NELL1: variants seen among roughly 807,000 people sequenced by gnomAD.
NELL1 encodes protein kinase C-binding protein NELL1.
Under a neutral mutation model 107.4 loss-of-function variants are expected in NELL1, and 76 were observed. The observed-to-expected ratio is 0.71, with a 90% CI of 0.59 to 0.86. NELL1 has a LOEUF of 0.86. Ranked by LOEUF, NELL1 falls within the 40% of genes least tolerant of loss-of-function variation. The pLI is 0.00. For synonymous variants in NELL1, 353 were observed against 341.2 expected (o/e 1.03, Z -0.38); for missense variants, 1,024 against 1,005.5 (o/e 1.02, Z -0.25).
intron 13 of NELL1, among the ~76,000 whole-genome samples, chr11:21,187,250 T>A (rs1451950948): frequency 6.6e-6 from 1 of 151,748 alleles, no homozygotes; most frequent in Non-Finnish European, 1.5e-5. Context: ...AAAAGTGACA[T>A]GACTTTATGG....
chr11:20,807,192 C>A (rs1348344344), intron 3 of NELL1, among the ~76,000 whole-genome samples: 2 of 152,064 alleles, frequency 1.3e-5, no homozygotes, highest in East Asian at 3.9e-4. Context: ...TTTGTGAAGG[C>A]TTTCCAGGTA....
intron 2 of NELL1, among the ~76,000 whole-genome samples, chr11:20,763,588 G>A (rs11604445): frequency 0.2 from 30,685 of 152,138 alleles, 3,234 homozygotes; most frequent in South Asian, 0.28. Flanking sequence ...ACTGGACCAC[G>A]TTCTGTGACC....
At chr11:21,369,314 T>C (rs1159746025) in intron 14 of NELL1, among the ~76,000 whole-genome samples, 3 of 151,786 alleles carry the variant, frequency 2.0e-5, no homozygotes, top group African/African-American at 4.8e-5. Flanking sequence ...TCTACATGTG[T>C]ATTTTATATA....
intron 3 of NELL1, among the ~76,000 whole-genome samples, chr11:20,803,911 C>G (rs1237109080): frequency 6.6e-6 from 1 of 152,142 alleles, no homozygotes; most frequent in Non-Finnish European, 1.5e-5. Flanking sequence ...GCCTCCCAGC[C>G]TACATCTTTC....
intron 12 of NELL1, among the ~76,000 whole-genome samples, chr11:21,025,790 A>T (rs1395158979): frequency 6.6e-6 from 1 of 152,120 alleles, no homozygotes; most frequent in African/African-American, 2.4e-5. Context: ...GTTGAAAATG[A>T]ATGCAAAATT....
At chr11:21,051,870 C>A (rs965153385) in intron 12 of NELL1, among the ~76,000 whole-genome samples, 1 of 152,072 alleles carries the variant, frequency 6.6e-6, no homozygotes, top group Non-Finnish European at 1.5e-5. Context: ...AGAAAAATCC[C>A]TGCTTTTGTG....
chr11:21,345,059 C>A (rs1473034849), intron 14 of NELL1, among the ~76,000 whole-genome samples: 2 of 152,154 alleles, frequency 1.3e-5, no homozygotes, highest in Non-Finnish European at 2.9e-5. Context: ...ATTTCTGCTT[C>A]TGTGATTCAT....
intron 12 of NELL1, among the ~76,000 whole-genome samples, chr11:20,988,026 G>C (rs1590504958): frequency 6.6e-6 from 1 of 152,014 alleles, no homozygotes; most frequent in African/African-American, 2.4e-5. Context: ...AACCATCCCT[G>C]TGCTCAGCGT....
chr11:20,874,021 TC>T (rs2134091605), intron 4 of NELL1, among the ~76,000 whole-genome samples: 1 of 152,272 alleles, frequency 6.6e-6, no homozygotes, highest in African/African-American at 2.4e-5. Context: ...CTCCTTGGCC[TC>T]CCAAAGTGCT....
intron 12 of NELL1, among the ~76,000 whole-genome samples, chr11:20,976,224 A>G (rs59503532): frequency 0.16 from 23,020 of 147,182 alleles, 2,313 homozygotes; most frequent in Middle Eastern, 0.25. Context: ...ATGTGTGTGT[A>G]TATATATACA....
chr11:21,333,102 A>G (rs1049227461), intron 14 of NELL1, among the ~76,000 whole-genome samples: 3 of 152,042 alleles, frequency 2.0e-5, no homozygotes, highest in Admixed American at 6.6e-5. Context: ...CTTGGGTGAT[A>G]TAAGATTAAG....
At chr11:21,092,691 A>G (rs1311033411) in intron 12 of NELL1, among the ~76,000 whole-genome samples, 1 of 152,192 alleles carries the variant, frequency 6.6e-6, no homozygotes, top group African/African-American at 2.4e-5. Flanking sequence ...ATTTGTAGAA[A>G]AGGAAACAGA....
At chr11:20,773,652 C>T (rs1050148404) in intron 2 of NELL1, 2 of 152,076 alleles carry the variant, frequency 1.3e-5, no homozygotes, top group Non-Finnish European at 2.9e-5. Flanking sequence ...TACATGCCAC[C>T]AGGCCTGACT....
chr11:20,731,789 A>C (rs192650701), intron 2 of NELL1, among the ~76,000 whole-genome samples: 1 of 152,230 alleles, frequency 6.6e-6, no homozygotes. Context: ...AATGCTAAGC[A>C]TATGTCCGGG....
At chr11:21,554,999 A>G (rs1317380338) in intron 16 of NELL1, among the ~76,000 whole-genome samples, 1 of 151,978 alleles carries the variant, frequency 6.6e-6, no homozygotes, top group Non-Finnish European at 1.5e-5. Context: ...AACAAGGACC[A>G]GACGTGGAAA....
At chr11:20,913,738 G>A (rs1850184933) in intron 5 of NELL1, among the ~76,000 whole-genome samples, 2 of 151,040 alleles carry the variant, frequency 1.3e-5, no homozygotes, top group South Asian at 4.2e-4. Context: ...TTTGGGCTCT[G>A]CACCTTAGGG....
At chr11:20,734,593 A>G (rs886378271) in intron 2 of NELL1, among the ~76,000 whole-genome samples, 2 of 152,174 alleles carry the variant, frequency 1.3e-5, no homozygotes, top group Non-Finnish European at 2.9e-5. Flanking sequence ...TCAAGACTGC[A>G]TTTGTGGTAT....
intron 7 of NELL1, among the ~76,000 whole-genome samples, chr11:20,926,732 T>C (rs1332952011): frequency 1.3e-5 from 2 of 152,214 alleles, no homozygotes; most frequent in African/African-American, 4.8e-5. Flanking sequence ...TGGTTACTTT[T>C]CCTGTCCTTC....
intron 4 of NELL1, among the ~76,000 whole-genome samples, chr11:20,865,189 G>A (rs1051228392): frequency 1.3e-5 from 2 of 152,296 alleles, no homozygotes; most frequent in Admixed American, 6.5e-5. Context: ...TCAGTTTCTA[G>A]AGATGAAGAC....
Sources: gnomAD v4.1 joint callset for allele counts (sites outside exome capture counted in the v4.1 genomes callset) on GRCh38, gnomAD v4.1.1 for gene constraint, MANE v1.5 for transcripts, NCBI Gene and HGNC (gene_info 2026-07-23, HGNC 2026-07-21) for gene names.